The following SEMA5B variants were observed in gnomAD, a reference collection of about 807,000 sequenced individuals.
SEMA5B encodes semaphorin-5B.
Under a neutral mutation model 135.0 loss-of-function variants are expected in SEMA5B, and 66 were observed. The observed-to-expected ratio is 0.49, with a 90% CI of 0.40 to 0.60. The LOEUF (loss-of-function observed/expected upper bound fraction) is 0.60, where lower values mean the gene tolerates loss of function less well. Ranked by LOEUF, SEMA5B falls within the 20% of genes least tolerant of loss-of-function variation. SEMA5B has a pLI of 0.00. For missense variants in SEMA5B, 1,501 were observed against 1,566.3 expected, an observed-to-expected ratio of 0.96 and a Z score of 0.70; for synonymous variants, 690 against 639.5, an observed-to-expected ratio of 1.08 and a Z score of -1.19.
At position 122,913,243 on chromosome 3, in the gene SEMA5B, G is replaced by T. The variant is rs1295989858; in HGVS notation, c.2462C>A (p.Thr821Lys). 1.9e-6 allele frequency: 3 copies of T among 1,586,154 alleles called. No homozygotes were observed. Among genetic ancestry groups the T allele is most frequent in the Non-Finnish European group, 2.6e-6 (3 of 1,174,976 alleles). The change falls in exon 17 of 23, where the codon ACG (threonine) becomes AAG (lysine). Residue 821 changes from threonine to lysine, a missense_variant. Thr to Lys is a moderately conservative substitution (Grantham distance 78, BLOSUM62 -1). Around this residue, in one of 2 missense-constraint regions of SEMA5B, gnomAD observed 927 missense variants for 881.6 expected, o/e 1.05. Transcript: ENST00000357599. ...GGAGCCGTCCGCGGGACAGGTCCTCGTCTCGGTCCTTCTCCTGCCGAACTG... is the reference window on the plus strand; with the variant it reads ...GGAGCCGTCCGCGGGACAGGTCCTCTTCTCGGTCCTTCTCCTGCCGAACTG... Reference protein sequence around the residue: ...GLQFGRRRTETRTCPADGSGS... With the variant: ...GLQFGRRRTEKRTCPADGSGS...
chr3:123,001,755 GC>G (rs367589543), intron 1 of SEMA5B, among the ~76,000 whole-genome samples: 4 of 152,184 alleles, frequency 2.6e-5, no homozygotes, highest in African/African-American at 9.7e-5. Flanking sequence ...GTACTTAGTG[GC>G]AGGAGAAGCG....
At chr3:123,015,762 A>C (rs971953070) in intron 1 of SEMA5B, among the ~76,000 whole-genome samples, 2 of 152,210 alleles carry the variant, frequency 1.3e-5, no homozygotes, top group African/African-American at 4.8e-5. Context: ...TGTCTCTGAG[A>C]AACTCAAGAC....
At chr3:123,020,395 A>C (rs1262085817) in intron 1 of SEMA5B, among the ~76,000 whole-genome samples, 1 of 152,238 alleles carries the variant, frequency 6.6e-6, no homozygotes, top group African/African-American at 2.4e-5. Context: ...TGTTGAATTA[A>C]TATTCATTAC....
chr3:123,017,416 T>C lies in SEMA5B; in HGVS notation c.-39+10048A>G, dbSNP rs2107815833. Among the ~76,000 whole-genome samples, 3 of 152,318 alleles carry C rather than the reference T, an allele frequency of 2.0e-5. No homozygotes were observed. The South Asian group carries it at 6.2e-4, about 32-fold the overall frequency. On this transcript the variant is annotated intron_variant, in intron 1 of 22. Coordinates refer to ENST00000357599, the MANE Select transcript of SEMA5B (RefSeq NM_001031702.4). ...ACTCACAACCAAAAAGCAGCCACGC[T>C]GTGTTTGAAGCCAAGTCTGTCTCAT... is the stretch of plus-strand genomic sequence containing the variant.
intron 9 of SEMA5B, 115 bp downstream of exon 9, chr3:122,926,277 T>C (rs1938625482): frequency 9.8e-7 from 1 of 1,017,758 alleles, no homozygotes; most frequent in Non-Finnish European, 1.4e-6. Context: ...AATCCTCAGA[T>C]GACCCCCGGC....
At chr3:122,999,323 T>A (rs1355489799) in intron 1 of SEMA5B, among the ~76,000 whole-genome samples, 1 of 151,870 alleles carries the variant, frequency 6.6e-6, no homozygotes, top group Non-Finnish European at 1.5e-5. Context: ...GCCTCCCGGG[T>A]TCAAGCGATT....
chr3:122,941,462 C>T (rs116277424), intron 4 of SEMA5B, among the ~76,000 whole-genome samples: 409 of 152,268 alleles, frequency 2.7e-3, no homozygotes, highest in Non-Finnish European at 4.3e-3. Flanking sequence ...GTTTCCTGGT[C>T]CATAAAATGG....
chr3:123,015,948 C>T (rs1317706267), intron 1 of SEMA5B, among the ~76,000 whole-genome samples: 1 of 152,220 alleles, frequency 6.6e-6, no homozygotes, highest in Non-Finnish European at 1.5e-5. Context: ...TCATCTATGG[C>T]TTCGGCAGAT....
intron 10 of SEMA5B, among the ~76,000 whole-genome samples, chr3:122,923,263 C>A (rs1330065054): frequency 6.6e-6 from 1 of 152,238 alleles, no homozygotes; most frequent in African/African-American, 2.4e-5. Context: ...GAACACACTG[C>A]GAGAAAGCTC....
rs1938016096 is a variant in SEMA5B, at chr3:122,915,467, G to A, written c.1961C>T (p.Pro654Leu). 1.2e-6 allele frequency: 2 copies of A among 1,612,594 alleles called. No individual in the cohort carries two copies. Among genetic ancestry groups the A allele is most frequent in the African/African-American group, 2.7e-5 (2 of 74,896 alleles). The change falls in exon 14 of 23, where the codon CCA (proline) becomes CTA (leucine). Residue 654 changes from proline (P) to leucine (L), a missense_variant. By Grantham distance (98) the Pro-to-Leu change is moderately conservative. This residue lies in a region of SEMA5B where 927 missense variants were observed against 881.6 expected (regional missense o/e 1.05). Coordinates refer to ENST00000357599, the MANE Select transcript of SEMA5B (RefSeq NM_001031702.4). ...GGAGCAGTTGGCGATGTGGATGGCTGGCCCCAGGCAGTCAAGGCCCCCACA... is the reference window on the plus strand; with the variant it reads ...GGAGCAGTTGGCGATGTGGATGGCTAGCCCCAGGCAGTCAAGGCCCCCACA... ...PRCGGLDCLG[P>L]AIHIANCSRN...
intron 2 of SEMA5B, among the ~76,000 whole-genome samples, chr3:122,958,039 A>G (rs374142559): frequency 2.0e-5 from 3 of 152,322 alleles, no homozygotes; most frequent in East Asian, 1.9e-4. Context: ...AGTTTTTCCC[A>G]GGTCCTGAAT....
intron 10 of SEMA5B, among the ~76,000 whole-genome samples, chr3:122,922,895 A>G (rs1022904218): frequency 6.4e-5 from 8 of 125,114 alleles, no homozygotes; most frequent in African/African-American, 1.7e-4. Context: ...CATCTCCTAC[A>G]TTCCAGGCAT....
At chr3:122,938,168 T>C (rs560203931) in intron 5 of SEMA5B, among the ~76,000 whole-genome samples, 1 of 152,358 alleles carries the variant, frequency 6.6e-6, no homozygotes, top group African/African-American at 2.4e-5. Context: ...GTACTGGGCC[T>C]GATTCACTTT....
chr3:122,930,008 T>A (rs1938883984), intron 5 of SEMA5B, among the ~76,000 whole-genome samples: 1 of 152,172 alleles, frequency 6.6e-6, no homozygotes, highest in Non-Finnish European at 1.5e-5. Flanking sequence ...GTCACGTGTA[T>A]AAACATGAAC....
chr3:122,970,266 C>T (rs1382740595), intron 1 of SEMA5B, among the ~76,000 whole-genome samples: 4 of 152,224 alleles, frequency 2.6e-5, no homozygotes, highest in Non-Finnish European at 5.9e-5. Context: ...AGAGGCCAAA[C>T]AAAACACATC....
chr3:122,933,542 C>T (rs187848886), intron 5 of SEMA5B, among the ~76,000 whole-genome samples: 12 of 152,184 alleles, frequency 7.9e-5, no homozygotes, highest in Admixed American at 5.9e-4. Flanking sequence ...TAGGACGGGT[C>T]TTTTTTGGGA....
At chr3:122,912,729 AG>A in intron 18 of SEMA5B, 113 bp downstream of exon 18, 1 of 1,049,548 alleles carries the variant, frequency 9.5e-7, no homozygotes, top group Non-Finnish European at 1.4e-6. Flanking sequence ...CAGAGTTGGC[AG>A]GGAGAAGGGG....
chr3:122,926,528 C>T lies in SEMA5B; in HGVS notation c.1000G>A (p.Asp334Asn), dbSNP rs770382314. The T allele has an allele frequency of 6.2e-7, 1 of 1,614,266 alleles. No homozygotes were observed. Among genetic ancestry groups the T allele is most frequent in the South Asian group, 1.1e-5 (1 of 91,086 alleles). ...GCCTTCATGAATGTGGTCCATGTGT[C>T]CTCCAGCAGGAATCGGCCCCCCACG... ...NDVGGRFLLE[D>N]TWTTFMKARL... Residue 334 changes from aspartate (D) to asparagine (N), a missense_variant, in exon 9 of 23, where the codon GAC becomes AAC. Coordinates refer to ENST00000357599, the MANE Select transcript of SEMA5B (RefSeq NM_001031702.4).
chr3:123,018,300 A>G (rs1262085087), intron 1 of SEMA5B, among the ~76,000 whole-genome samples: 1 of 152,168 alleles, frequency 6.6e-6, no homozygotes, highest in African/African-American at 2.4e-5. Flanking sequence ...TGTACTTTTC[A>G]CTCTGGGCTC....
Sources: gnomAD v4.1 joint callset for allele counts (sites outside exome capture counted in the v4.1 genomes callset) on GRCh38, gnomAD v4.1.1 for gene constraint, gnomAD v4.1.1 regional missense constraint, MANE v1.5 for transcripts, NCBI Gene and HGNC (gene_info 2026-07-23, HGNC 2026-07-21) for gene names.